Variants in GABRG2 observed in about 807,000 individuals in gnomAD.
GABRG2 encodes gamma-aminobutyric acid type A receptor subunit gamma2.
Under a neutral mutation model 56.4 loss-of-function variants are expected in GABRG2, and 16 were observed. The observed-to-expected ratio is 0.28, with a 90% CI of 0.19 to 0.43. The LOEUF (loss-of-function observed/expected upper bound fraction) is 0.43, where lower values mean the gene tolerates loss of function less well. GABRG2 is among the 20% of genes least tolerant of loss of function. The pLI is 1.00. For synonymous variants in GABRG2, 208 were observed against 205.5 expected (o/e 1.01, Z -0.10); for missense variants, 327 against 582.7 (o/e 0.56, Z 4.52).
chr5:162,114,323 G>A (rs147594603), intron 6 of GABRG2, among the ~76,000 whole-genome samples: 1 of 152,070 alleles, frequency 6.6e-6, no homozygotes, highest in Admixed American at 6.6e-5. Context: ...GCAATGTGTA[G>A]GTGTATCGCT....
chr5:162,084,539 T>C (rs905028307), intron 1 of GABRG2, among the ~76,000 whole-genome samples: 2 of 151,778 alleles, frequency 1.3e-5, no homozygotes, highest in African/African-American at 4.8e-5. Context: ...CTTGGTCTCA[T>C]AGAGACCAAT....
intron 6 of GABRG2, among the ~76,000 whole-genome samples, chr5:162,133,894 T>C (rs1421774493): frequency 1.3e-5 from 2 of 152,164 alleles, no homozygotes; most frequent in Admixed American, 1.3e-4. Context: ...AGAAAATGTC[T>C]GCTTTTGTTG....
chr5:162,095,516 C>T lies in GABRG2; in HGVS notation c.281C>T (p.Thr94Ile). The change falls in exon 3 of 10, where the codon ACA (threonine) becomes ATA (isoleucine). Residue 94 changes from threonine (T) to isoleucine (I), a missense_variant. Coordinates refer to ENST00000639213, the MANE Select transcript of GABRG2 (RefSeq NM_198904.4). ...ACAGTGAAGCCAACGTTAATTCACACAGACATGTATGTGAATAGCATTGGT... is the reference window on the plus strand; with the variant it reads ...ACAGTGAAGCCAACGTTAATTCACATAGACATGTATGTGAATAGCATTGGT... ...DIGVKPTLIH[T>I]DMYVNSIGPV... is the part of the protein sequence containing the mutation. The T allele has an allele frequency of 6.2e-7, 1 of 1,608,192 alleles. No homozygotes were observed.
intron 1 of GABRG2, among the ~76,000 whole-genome samples, chr5:162,091,340 T>G (rs1760566312): frequency 6.6e-6 from 1 of 151,992 alleles, no homozygotes. Flanking sequence ...TATTGATTAA[T>G]TAATAATATA....
chr5:162,114,054 G>A (rs1454755278), intron 6 of GABRG2, among the ~76,000 whole-genome samples: 1 of 152,146 alleles, frequency 6.6e-6, no homozygotes, highest in Non-Finnish European at 1.5e-5. Flanking sequence ...GATGGACAGA[G>A]TTAAATTTCA....
intron 6 of GABRG2, among the ~76,000 whole-genome samples, chr5:162,107,251 A>G (rs952377443): frequency 2.0e-5 from 3 of 152,184 alleles, no homozygotes; most frequent in Non-Finnish European, 2.9e-5. Flanking sequence ...TTTTTAAAGG[A>G]AAGTTAATAT....
chr5:162,070,385 A>G (rs995412654), intron 1 of GABRG2, among the ~76,000 whole-genome samples: 12 of 152,078 alleles, frequency 7.9e-5, no homozygotes, highest in Non-Finnish European at 1.6e-4. Flanking sequence ...GGAGGTAAAT[A>G]GAAGCTTTGA....
At chr5:162,084,569 A>T (rs1759911838) in intron 1 of GABRG2, among the ~76,000 whole-genome samples, 1 of 151,830 alleles carries the variant, frequency 6.6e-6, no homozygotes, top group Non-Finnish European at 1.5e-5. Flanking sequence ...ATAAGGTAGG[A>T]TTTCAGACTG....
intron 7 of GABRG2, among the ~76,000 whole-genome samples, chr5:162,147,009 T>G (rs969717343): frequency 1.3e-5 from 2 of 152,174 alleles, no homozygotes; most frequent in African/African-American, 4.8e-5. Flanking sequence ...AACAGTAATT[T>G]TATTTCCTCT....
At position 162,067,980 on chromosome 5, in the gene GABRG2, G is replaced by C; in HGVS notation, c.-20G>C. On this transcript the variant is annotated 5_prime_UTR_variant, in exon 1 of 10. Coordinates refer to ENST00000639213, the MANE Select transcript of GABRG2 (RefSeq NM_198904.4). ...TGCAACCAAGAGGCAAGAGGCGAGA[G>C]AAGGAAAAAAAAAAAAGCGATGAGT... 1 of 1,524,966 alleles carries C rather than the reference G, an allele frequency of 6.6e-7. No homozygotes were observed. The highest frequency in any genetic ancestry group is 9.1e-7 in the Non-Finnish European group (1 of 1,102,634). 94.5% of individuals were successfully genotyped at this position (1,524,966 alleles called of 1,614,324 possible).
At chr5:162,125,418 A>G (rs1305866747) in intron 6 of GABRG2, among the ~76,000 whole-genome samples, 1 of 143,418 alleles carries the variant, frequency 7.0e-6, no homozygotes, top group African/African-American at 3.0e-5. Flanking sequence ...CTAGTGGCTA[A>G]GTCATTTCCC....
At chr5:162,141,890 G>A (rs1054675589) in intron 6 of GABRG2, among the ~76,000 whole-genome samples, 1 of 152,062 alleles carries the variant, frequency 6.6e-6, no homozygotes, top group Non-Finnish European at 1.5e-5. Flanking sequence ...AAGAAAGGAC[G>A]TCAGAAAGCA....
At chr5:162,085,958 AT>A (rs558615682) in intron 1 of GABRG2, among the ~76,000 whole-genome samples, 77 of 145,588 alleles carry the variant, frequency 5.3e-4, no homozygotes, top group African/African-American at 1.1e-3. Flanking sequence ...TACGTACCAC[AT>A]TTTTTTTTTT....
chr5:162,079,213 C>A (rs576616161), intron 1 of GABRG2, among the ~76,000 whole-genome samples: 74 of 152,068 alleles, frequency 4.9e-4, no homozygotes, highest in Non-Finnish European at 9.3e-4. Context: ...TCCCTTTGCA[C>A]GTGCAGCTCA....
chr5:162,068,151 G>T, intron 1 of GABRG2, 45 bp downstream of exon 1: 1 of 1,400,040 alleles, frequency 7.1e-7, no homozygotes, highest in South Asian at 1.2e-5. Flanking sequence ...GAAGAGGTGG[G>T]GGGAAGGTGT....
chr5:162,123,624 G>A (rs1363105735), intron 6 of GABRG2, among the ~76,000 whole-genome samples: 1 of 151,894 alleles, frequency 6.6e-6, no homozygotes, highest in African/African-American at 2.4e-5. Flanking sequence ...AAGACTGACA[G>A]TAGCTTCTTT....
At chr5:162,116,110 ATGTGTG>A (rs34083256) in intron 6 of GABRG2, among the ~76,000 whole-genome samples, 81 of 127,212 alleles carry the variant, frequency 6.4e-4, no homozygotes, top group Middle Eastern at 3.9e-3. Flanking sequence ...GTGTGCGTGC[ATGTGTG>A]TGTGTGTGTG....
intron 6 of GABRG2, among the ~76,000 whole-genome samples, chr5:162,106,376 C>T (rs913493866): frequency 6.6e-6 from 1 of 152,118 alleles, no homozygotes. Context: ...GTGTGTAGTA[C>T]TATTTCAACG....
At chr5:162,100,319 T>C (rs1350940102) in intron 4 of GABRG2, 1 of 152,156 alleles carries the variant, frequency 6.6e-6, no homozygotes, top group Non-Finnish European at 1.5e-5. Flanking sequence ...TTAGAAAATC[T>C]CTTAAAAATA....
Sources: gnomAD v4.1 joint callset for allele counts (sites outside exome capture counted in the v4.1 genomes callset) on GRCh38, gnomAD v4.1.1 for gene constraint, MANE v1.5 for transcripts, NCBI Gene and HGNC (gene_info 2026-07-23, HGNC 2026-07-21) for gene names.